The following NUDT4 variants were observed in gnomAD, a reference collection of about 807,000 sequenced individuals.
NUDT4 encodes nudix hydrolase 4.
Under a neutral mutation model 23.1 loss-of-function variants are expected in NUDT4, and 5 were observed. The observed-to-expected ratio is 0.22, with a 90% confidence interval of 0.11 to 0.46. NUDT4 has a LOEUF of 0.46. NUDT4 is among the 20% of genes least tolerant of loss of function. NUDT4 has a pLI of 0.99. For synonymous variants in NUDT4, 50 were observed against 79.0 expected (o/e 0.63, Z 1.95); for missense variants, 96 against 211.6 (o/e 0.45, Z 3.39).
Position 93,405,579 on chromosome 12 carries a change from T to TACTC in NUDT4, c.*6201_*6202insCTCA, listed in dbSNP as rs35674872. 89,702 of 151,688 alleles carry TACTC rather than the reference T, an allele frequency of 0.59. 27,447 individuals carry two copies. Among genetic ancestry groups the TACTC allele is most frequent in the African/African-American group, 0.77 (31,733 of 41,338 alleles). The allele number at this position is 151,688 out of a possible 1,614,324, so 9.4% of individuals were successfully genotyped here. A position where few individuals can be genotyped will look rare whatever the true frequency, so the allele number is the denominator to read the frequency against. ...CCCAGCATGGCAGCTAATGGCAAGT[T>TACTC]AGTACCATAAAGCCAACTCTTGGAA... On this transcript the variant is annotated 3_prime_UTR_variant, in exon 5 of 5. Coordinates refer to ENST00000415493, the MANE Select transcript of NUDT4 (RefSeq NM_019094.6).
At chr12:93,379,996 C>T (rs1262536883) in intron 1 of NUDT4, among the ~76,000 whole-genome samples, 1 of 152,126 alleles carries the variant, frequency 6.6e-6, no homozygotes, top group African/African-American at 2.4e-5. Flanking sequence ...ACATTTAATC[C>T]TTTTAACACT....
chr12:93,399,377 TAGAG>T lies in NUDT4; in HGVS notation c.*2_*5del, dbSNP rs748933858. ...CTCTGGGTTGCCATCTAGTGTAAGA[TAGAG>T]AGAACTGGGTAGGCCTCTCCCACCA... On this transcript the variant is annotated stop_retained_variant and 3_prime_UTR_variant, in exon 5 of 5. Coordinates refer to ENST00000415493, the MANE Select transcript of NUDT4 (RefSeq NM_019094.6). 7 of 715,336 alleles carry T rather than the reference TAGAG, an allele frequency of 9.8e-6. No individual in the cohort carries two copies. Among genetic ancestry groups the T allele is most frequent in the African/African-American group, 3.9e-5 (2 of 50,916 alleles). The allele number at this position is 715,336 out of a possible 1,614,324, so 44.3% of individuals were successfully genotyped here.
At chr12:93,378,442 C>T (rs1205733663) in intron 1 of NUDT4, 21 bp downstream of exon 1, 2 of 1,532,726 alleles carry the variant, frequency 1.3e-6, no homozygotes, top group Admixed American at 2.0e-5. Context: ...CGGCGCCGCA[C>T]GCTGCCCTCC....
At chr12:93,394,564 A>C (rs1431373537) in intron 1 of NUDT4, 45 bp from the exon 2 acceptor site, 7 of 1,063,956 alleles carry the variant, frequency 6.6e-6, no homozygotes, top group Non-Finnish European at 9.9e-6. Context: ...TTATATACGA[A>C]GTGCTTCTCA....
At chr12:93,392,422 AT>A (rs1476720193) in intron 1 of NUDT4, among the ~76,000 whole-genome samples, 1 of 147,722 alleles carries the variant, frequency 6.8e-6, no homozygotes, top group Non-Finnish European at 1.5e-5. Flanking sequence ...CGCCCGGCTA[AT>A]TTTTTGTATT....
Position 93,378,439 on chromosome 12 carries a change from G to T in NUDT4, c.99+18G>T. The stretch of plus-strand genomic sequence containing the variant: ...AGGACGAGGTAGGGCGCCCGGCGCC[G>T]CACGCTGCCCTCCGGGGCGCCGGGG... On this transcript the variant is annotated intron_variant, in intron 1 of 4. Coordinates refer to ENST00000415493, the MANE Select transcript of NUDT4 (RefSeq NM_019094.6). The T allele has an allele frequency of 6.5e-7, 1 of 1,535,586 alleles. No homozygotes were observed. Among genetic ancestry groups the T allele is most frequent in the Non-Finnish European group, 8.8e-7 (1 of 1,138,554 alleles).
At chr12:93,394,065 C>T (rs986928959) in intron 1 of NUDT4, among the ~76,000 whole-genome samples, 6 of 152,004 alleles carry the variant, frequency 3.9e-5, no homozygotes, top group Non-Finnish European at 8.8e-5. Flanking sequence ...TATGGTGGCA[C>T]GATCTCAGTT....
intron 1 of NUDT4, among the ~76,000 whole-genome samples, chr12:93,380,440 G>T (rs1192794190): frequency 6.6e-6 from 1 of 152,144 alleles, no homozygotes; most frequent in Non-Finnish European, 1.5e-5. Context: ...TGAGTCAAGA[G>T]ACCCGTGTCA....
Position 93,399,617 on chromosome 12 carries a change from C to T in NUDT4, c.*238C>T. On this transcript the variant is annotated 3_prime_UTR_variant, in exon 5 of 5. Transcript: ENST00000415493. The stretch of plus-strand genomic sequence containing the variant: ...GTTTAGATGCCTTAACTGTGCCACA[C>T]CCCACAACCCCCTATATTATTTTGG... 1 of 202,310 alleles carries T rather than the reference C, an allele frequency of 4.9e-6. No homozygotes were observed. Among genetic ancestry groups the T allele is most frequent in the Non-Finnish European group, 9.5e-6 (1 of 105,094 alleles). The allele number at this position is 202,310 out of a possible 1,614,324, so 12.5% of individuals were successfully genotyped here.
chr12:93,395,073 C>A (rs1292292456), intron 2 of NUDT4, among the ~76,000 whole-genome samples: 1 of 151,038 alleles, frequency 6.6e-6, no homozygotes, highest in African/African-American at 2.4e-5. Context: ...GGTCTCAAAC[C>A]CCTGACCTCA....
chr12:93,396,270 C>G (rs1277965528), intron 3 of NUDT4, among the ~76,000 whole-genome samples: 1 of 152,116 alleles, frequency 6.6e-6, no homozygotes, highest in Non-Finnish European at 1.5e-5. Flanking sequence ...AGATATAAAT[C>G]TCAGGTACAT....
chr12:93,385,941 TTATATATATA>T lies in NUDT4; in HGVS notation c.99+7541_99+7550del, dbSNP rs371683658. Among the ~76,000 whole-genome samples, 458 of 104,604 alleles carry T rather than the reference TTATATATATA, an allele frequency of 4.4e-3. 5 individuals are homozygous for T. The highest frequency in any genetic ancestry group is 0.012 in the African/African-American group (329 of 27,504). The allele number at this position is 104,604 out of a possible 152,430, so 68.6% of individuals were successfully genotyped here. A position where few individuals can be genotyped will look rare whatever the true frequency, so the allele number is the denominator to read the frequency against. ...ATATATATATATATAGTAAATCTTT[TTATATATATA>T]TATATATATATATATATATACATAA... On this transcript the variant is annotated intron_variant, in intron 1 of 4. Coordinates refer to ENST00000415493, the MANE Select transcript of NUDT4 (RefSeq NM_019094.6).
intron 3 of NUDT4, among the ~76,000 whole-genome samples, chr12:93,398,057 G>T (rs1367616147): frequency 6.6e-6 from 1 of 151,878 alleles, no homozygotes; most frequent in African/African-American, 2.4e-5. Context: ...AATAACATCA[G>T]ATAGGCCAGG....
At chr12:93,380,805 A>G (rs764884996) in intron 1 of NUDT4, among the ~76,000 whole-genome samples, 15 of 152,218 alleles carry the variant, frequency 9.9e-5, no homozygotes, top group Non-Finnish European at 1.8e-4. Flanking sequence ...TTCCCAGGAC[A>G]GTCTAGAAAA....
At chr12:93,385,941 T>TTTTATATATATATATATA (rs1278115598) in intron 1 of NUDT4, among the ~76,000 whole-genome samples, 2 of 104,600 alleles carry the variant, frequency 1.9e-5, no homozygotes, top group African/African-American at 3.6e-5. Context: ...GTAAATCTTT[T>TTTTATATATATATATATA]TATATATATA....
At chr12:93,384,324 C>T (rs1875907790) in intron 1 of NUDT4, among the ~76,000 whole-genome samples, 3 of 152,058 alleles carry the variant, frequency 2.0e-5, no homozygotes, top group Non-Finnish European at 4.4e-5. Context: ...TGTGCTACCA[C>T]GCCCAGCTAA....
Position 93,391,312 on chromosome 12 carries a change from C to A in NUDT4, c.100-3297C>A, listed in dbSNP as rs557898955. 6.6e-5 allele frequency among the ~76,000 whole-genome samples: 10 copies of A among 152,112 alleles called. No individual in the cohort carries two copies. The East Asian group carries it at 1.9e-3, about 29-fold the overall frequency. ...GGGCATGGTGGCTTACTCCTGTAAT[C>A]CCAGCACTTTGGGAGGCCAAGGCAG... On this transcript the variant is annotated intron_variant, in intron 1 of 4. Coordinates refer to ENST00000415493, the MANE Select transcript of NUDT4 (RefSeq NM_019094.6).
At chr12:93,395,265 CAT>C (rs1365563414) in intron 2 of NUDT4, among the ~76,000 whole-genome samples, 2 of 152,170 alleles carry the variant, frequency 1.3e-5, no homozygotes, top group African/African-American at 4.8e-5. Context: ...GGATTACAGA[CAT>C]GAGCCACAGC....
chr12:93,394,504 A>G, intron 1 of NUDT4, 105 bp from the exon 2 acceptor site: 1 of 590,658 alleles, frequency 1.7e-6, no homozygotes, highest in South Asian at 2.8e-5. Flanking sequence ...ATTTTAAAAT[A>G]TTTTAATCTA....
Sources: allele counts gnomAD v4.1 joint callset (sites outside exome capture counted in the v4.1 genomes callset), GRCh38; gene constraint gnomAD v4.1.1; transcripts MANE v1.5; gene names NCBI Gene and HGNC (gene_info 2026-07-23, HGNC 2026-07-21).